Variants in STK3 observed in about 807,000 individuals in gnomAD.
The protein encoded by STK3 is serine/threonine-protein kinase 3.
A neutral mutation model predicts 58.0 loss-of-function variants in STK3; 41 were observed. The observed-to-expected ratio is 0.71, with a 90% CI of 0.55 to 0.92. The LOEUF is 0.92. Among genes scored for constraint, STK3 ranks in the 40% least tolerant of loss-of-function variants. STK3 has a pLI of 0.00. For synonymous variants in STK3, 170 were observed against 191.0 expected (o/e 0.89, Z 0.91); for missense variants, 479 against 602.7 (o/e 0.79, Z 2.15).
At chr8:98,410,557 T>C (rs1369695852) in intron 3 of STK3, among the ~76,000 whole-genome samples, 1 of 152,202 alleles carries the variant, frequency 6.6e-6, no homozygotes, top group Admixed American at 6.5e-5. Flanking sequence ...CATTTACAAA[T>C]GGGTGGATAT....
intron 4 of STK3, among the ~76,000 whole-genome samples, chr8:98,729,354 C>T (rs1257684237): frequency 6.6e-6 from 1 of 152,160 alleles, no homozygotes; most frequent in Admixed American, 6.5e-5. Flanking sequence ...AAGTGATCTC[C>T]CCGCCTCAGC....
chr8:98,599,203 A>G (rs1816104032), intron 6 of STK3, among the ~76,000 whole-genome samples: 1 of 152,250 alleles, frequency 6.6e-6, no homozygotes, highest in African/African-American at 2.4e-5. Flanking sequence ...AAACACTATA[A>G]AACTATAAAG....
intron 10 of STK3, among the ~76,000 whole-genome samples, chr8:98,497,105 T>C (rs540125839): frequency 5.3e-5 from 8 of 152,176 alleles, no homozygotes; most frequent in South Asian, 2.1e-4. Flanking sequence ...GATAGACATA[T>C]AGATCAGTGG....
At chr8:98,624,912 G>A (rs192180400) in intron 6 of STK3, among the ~76,000 whole-genome samples, 1 of 152,194 alleles carries the variant, frequency 6.6e-6, no homozygotes, top group Non-Finnish European at 1.5e-5. Flanking sequence ...TGGCTAGATA[G>A]AGGAGTAAAG....
At chr8:98,631,221 G>A (rs1228437446) in intron 6 of STK3, among the ~76,000 whole-genome samples, 2 of 152,212 alleles carry the variant, frequency 1.3e-5, no homozygotes, top group African/African-American at 2.4e-5. Context: ...AGAACGAGCC[G>A]TTTAAATCAC....
intron 10 of STK3, among the ~76,000 whole-genome samples, chr8:98,523,497 C>T (rs1291673936): frequency 6.6e-6 from 1 of 151,842 alleles, no homozygotes; most frequent in Non-Finnish European, 1.5e-5. Context: ...GCCTCAGCCT[C>T]CCAAGTAGCT....
rs1396143737 is a variant in STK3, at chr8:98,864,481, G to A, written c.110+19166C>T. On this transcript the variant is annotated intron_variant, in intron 3 of 12. Transcript: ENST00000523601. ...TGAGAGAAAATCTCTTCTTGTTGAAGCCACTAGCTATTGGTAATGTCTGTT... is the reference window on the plus strand; with the variant it reads ...TGAGAGAAAATCTCTTCTTGTTGAAACCACTAGCTATTGGTAATGTCTGTT... Among the ~76,000 whole-genome samples the A allele has an allele frequency of 2.0e-5, 3 of 152,282 alleles. No individual in the cohort carries two copies. In the East Asian group the frequency reaches 5.8e-4, roughly 29 times the overall value.
At chr8:98,376,549 T>C (rs977449020) in intron 2 of STK3, among the ~76,000 whole-genome samples, 1 of 152,244 alleles carries the variant, frequency 6.6e-6, no homozygotes, top group Non-Finnish European at 1.5e-5. Context: ...TTTTAGTTTA[T>C]GCATTGCATT....
chr8:98,726,844 C>A (rs143990605), intron 4 of STK3, among the ~76,000 whole-genome samples: 1 of 152,036 alleles, frequency 6.6e-6, no homozygotes, highest in African/African-American at 2.4e-5. Flanking sequence ...CTTACTGTGA[C>A]AGAAGGAAAA....
At chr8:98,585,815 C>T (rs1814507788) in intron 7 of STK3, among the ~76,000 whole-genome samples, 1 of 151,818 alleles carries the variant, frequency 6.6e-6, no homozygotes, top group South Asian at 2.1e-4. Context: ...CCTTCACATC[C>T]CTTGTAAGTT....
chr8:98,621,176 G>A lies in STK3; in HGVS notation c.685-25007C>T, dbSNP rs906590671. Among the ~76,000 whole-genome samples the A allele has an allele frequency of 4.6e-5, 7 of 152,200 alleles. No homozygotes were observed. In the South Asian group the frequency reaches 8.3e-4, roughly 18 times the overall value. ...GGGATGGTCTCGATCTCCTGACCTC[G>A]TGATCCGCCCGCCTCGGCCTCCCAA... On this transcript the variant is annotated intron_variant, in intron 6 of 10. Coordinates refer to ENST00000419617, the MANE Select transcript of STK3 (RefSeq NM_006281.4).
At chr8:98,693,340 A>G (rs1001731493) in intron 6 of STK3, among the ~76,000 whole-genome samples, 4 of 152,062 alleles carry the variant, frequency 2.6e-5, no homozygotes, top group Non-Finnish European at 4.4e-5. Context: ...CGAGGCTGCA[A>G]TGAGCCATGT....
Position 98,774,833 on chromosome 8 carries a change from G to T in STK3, c.27-14C>A, listed in dbSNP as rs1438243305. 2 of 1,510,238 alleles carry T rather than the reference G, an allele frequency of 1.3e-6. No homozygotes were observed. Among genetic ancestry groups the T allele is most frequent in the Non-Finnish European group, 1.8e-6 (2 of 1,130,976 alleles). The allele number at this position is 1,510,238 out of a possible 1,614,324, so 93.6% of individuals were successfully genotyped here. On this transcript the variant is annotated splice_polypyrimidine_tract_variant and intron_variant, in intron 1 of 10. Transcript: ENST00000419617. ...TTTTTTAGTTTACTGATTTAAAAAA[G>T]AAAGAAGAAAGAAAATATTTTCTTT...
At chr8:98,677,344 C>T (rs1823299615) in intron 6 of STK3, among the ~76,000 whole-genome samples, 1 of 143,836 alleles carries the variant, frequency 7.0e-6, no homozygotes, top group South Asian at 2.4e-4. Context: ...CCACCCCCCG[C>T]CCCCACCGCC....
At chr8:98,442,716 G>A (rs1452588593) in intron 1 of STK3, among the ~76,000 whole-genome samples, 2 of 152,136 alleles carry the variant, frequency 1.3e-5, no homozygotes, top group African/African-American at 2.4e-5. Flanking sequence ...CATTGTAATT[G>A]CACATATAAC....
At chr8:98,885,725 C>T (rs1837964058) in intron 1 of STK3, among the ~76,000 whole-genome samples, 1 of 152,220 alleles carries the variant, frequency 6.6e-6, no homozygotes, top group African/African-American at 2.4e-5. Flanking sequence ...CAGGCGTGAG[C>T]CACCGCAGCA....
At position 98,905,290 on chromosome 8, in the gene STK3, C is replaced by G. The variant is rs1838848561; in HGVS notation, c.-78-21456G>C. The G allele has an allele frequency of 7.2e-6, 6 of 830,702 alleles. No individual in the cohort carries two copies. In the South Asian group the frequency reaches 8.2e-5, roughly 11 times the overall value. 51.5% of individuals were successfully genotyped at this position (830,702 alleles called of 1,614,324 possible). ...GTTGTCAAGGCCCCTGACGGTCTCA[C>G]TGCGTCCTCTGACCACTCCATGTGT... On this transcript the variant is annotated intron_variant, in intron 1 of 1. Coordinates refer to the STK3 transcript ENST00000519420.
At chr8:98,530,855 G>A (rs1586792035) in intron 9 of STK3, among the ~76,000 whole-genome samples, 1 of 152,334 alleles carries the variant, frequency 6.6e-6, no homozygotes, top group East Asian at 1.9e-4. Flanking sequence ...TTCACAAGGA[G>A]TAGATTCCAT....
chr8:98,816,280 G>A (rs1212445539), intron 1 of STK3, among the ~76,000 whole-genome samples: 1 of 152,182 alleles, frequency 6.6e-6, no homozygotes, highest in Non-Finnish European at 1.5e-5. Context: ...ACTTGGGGAG[G>A]CCAAGGCAAG....
Sources: gnomAD v4.1 joint callset for allele counts (sites outside exome capture counted in the v4.1 genomes callset) on GRCh38, gnomAD v4.1.1 for gene constraint, MANE v1.5 for transcripts, NCBI Gene and HGNC (gene_info 2026-07-23, HGNC 2026-07-21) for gene names.